TRAPPC9: variants seen among roughly 807,000 people sequenced by gnomAD.
TRAPPC9 encodes IKK2 binding protein.
In TRAPPC9, 83 loss-of-function variants were observed where a neutral mutation model predicts 124.0. The ratio of observed to expected loss-of-function variants is 0.67; its 90% CI spans 0.56 to 0.80. TRAPPC9 has a LOEUF of 0.80. Among genes scored for constraint, TRAPPC9 ranks in the 30% least tolerant of loss-of-function variants. The probability of loss-of-function intolerance (pLI) is 0.00; values close to 1 mark genes in which losing one functional copy is unlikely to be tolerated. For synonymous variants in TRAPPC9, 638 were observed against 617.5 expected, an observed-to-expected ratio of 1.03 and a Z score of -0.49; for missense variants, 1,302 against 1,508.3, an observed-to-expected ratio of 0.86 and a Z score of 2.27.
intron 17 of TRAPPC9, among the ~76,000 whole-genome samples, chr8:140,033,368 T>G (rs537865372): frequency 7.5e-4 from 114 of 152,216 alleles, no homozygotes; most frequent in Non-Finnish European, 1.5e-3. Context: ...TGGACAAATG[T>G]GTAGAAACAA....
chr8:140,193,095 A>T (rs1055836803), intron 17 of TRAPPC9, among the ~76,000 whole-genome samples: 3 of 152,222 alleles, frequency 2.0e-5, no homozygotes, highest in African/African-American at 7.2e-5. Context: ...AATCTTGCAG[A>T]AGTAAAACAA....
intron 7 of TRAPPC9, among the ~76,000 whole-genome samples, chr8:140,374,126 AGTT>A (rs2068365392): frequency 6.6e-6 from 1 of 152,228 alleles, no homozygotes; most frequent in Non-Finnish European, 1.5e-5. Context: ...TTCATCTAGA[AGTT>A]GTTGTCTAGG....
At chr8:140,253,950 A>G (rs531613658) in intron 15 of TRAPPC9, among the ~76,000 whole-genome samples, 5 of 152,312 alleles carry the variant, frequency 3.3e-5, no homozygotes, top group African/African-American at 1.2e-4. Flanking sequence ...TACAGATTCA[A>G]TAAAGTACTA....
In TRAPPC9 at chr8:139,729,602, G is replaced by C. The variant is rs566717091; in HGVS notation, c.*1459C>G. Among the ~76,000 whole-genome samples the C allele has an allele frequency of 1.3e-5, 2 of 152,172 alleles. No individual in the cohort carries two copies. The highest frequency in any genetic ancestry group is 4.8e-5 in the African/African-American group (2 of 41,448). ...TCACAGTGTGCTCCCATCATTCACTGAGCGACAACAGGAGGCCACAGATGG... is the reference window on the plus strand; with the variant it reads ...TCACAGTGTGCTCCCATCATTCACTCAGCGACAACAGGAGGCCACAGATGG... On this transcript the variant is annotated 3_prime_UTR_variant, in exon 23 of 23. Coordinates refer to ENST00000438773, the MANE Select transcript of TRAPPC9 (RefSeq NM_001160372.4).
At chr8:139,769,554 A>G (rs1044155329) in intron 21 of TRAPPC9, among the ~76,000 whole-genome samples, 31 of 152,378 alleles carry the variant, frequency 2.0e-4, no homozygotes, top group African/African-American at 7.2e-4. Flanking sequence ...TGGTTGAACG[A>G]GGGTCACTGA....
In TRAPPC9 at chr8:139,792,727, A is replaced by C. The variant is rs1002680191; in HGVS notation, c.3056-60525T>G. ...GGGGCTGCAGGCCTGGGACCCCCAC[A>C]GTGCATTGCAGAGCTGGACCCACGG... is the stretch of plus-strand genomic sequence containing the variant. On this transcript the variant is annotated intron_variant, in intron 21 of 22. Coordinates refer to ENST00000438773, the MANE Select transcript of TRAPPC9 (RefSeq NM_001160372.4). Among the ~76,000 whole-genome samples, 6 of 152,342 alleles carry C rather than the reference A, an allele frequency of 3.9e-5. No individual in the cohort carries two copies. The East Asian group carries it at 5.8e-4, about 15-fold the overall frequency.
chr8:139,975,177 C>T (rs1199187190), intron 19 of TRAPPC9, among the ~76,000 whole-genome samples: 3 of 152,166 alleles, frequency 2.0e-5, no homozygotes, highest in Admixed American at 1.3e-4. Context: ...CGAGACTTTC[C>T]ACCAAACTGC....
chr8:140,382,791 T>C (rs529657260), intron 7 of TRAPPC9, among the ~76,000 whole-genome samples: 8 of 152,346 alleles, frequency 5.3e-5, no homozygotes, highest in African/African-American at 1.9e-4. Flanking sequence ...TGTCCCTGTC[T>C]GATAGCTTTG....
intron 18 of TRAPPC9, among the ~76,000 whole-genome samples, chr8:140,000,540 AAAAC>A (rs1248856615): frequency 2.0e-5 from 3 of 152,222 alleles, no homozygotes; most frequent in Admixed American, 6.5e-5. Context: ...TTACAAGAAA[AAAAC>A]AAACAACCCC....
intron 17 of TRAPPC9, among the ~76,000 whole-genome samples, chr8:140,172,196 G>A (rs1213119948): frequency 6.6e-6 from 1 of 152,146 alleles, no homozygotes; most frequent in African/African-American, 2.4e-5. Context: ...GAGCACCTGT[G>A]GAGCACAGCA....
At chr8:140,244,608 T>C (rs954660104) in intron 16 of TRAPPC9, among the ~76,000 whole-genome samples, 1 of 152,130 alleles carries the variant, frequency 6.6e-6, no homozygotes, top group African/African-American at 2.4e-5. Flanking sequence ...AAACACTAAT[T>C]TATCAATCTT....
At chr8:140,174,050 T>C (rs2062015952) in intron 17 of TRAPPC9, among the ~76,000 whole-genome samples, 1 of 152,014 alleles carries the variant, frequency 6.6e-6, no homozygotes, top group Admixed American at 6.5e-5. Context: ...TCAGAAGACA[T>C]GAGTTTGGGG....
chr8:140,371,088 G>A lies in TRAPPC9; in HGVS notation c.1227C>T (p.Arg409=), dbSNP rs761721667. The change falls in exon 8 of 23, where the codon CGC becomes CGT. Residue 409 remains arginine, a synonymous_variant. Transcript: ENST00000438773. The part of the protein sequence containing the change: ...GFHRKSAFFK[R]VAAMQCVAPS... ...GGGCCACGCACTGCATGGCGGCCACGCGCTTGAAGAACGCAGACTTGCGAT... is the reference window on the plus strand; with the variant it reads ...GGGCCACGCACTGCATGGCGGCCACACGCTTGAAGAACGCAGACTTGCGAT... 1.4e-5 allele frequency: 22 copies of A among 1,614,216 alleles called. No individual in the cohort carries two copies. Among genetic ancestry groups the A allele is most frequent in the African/African-American group, 4.0e-5 (3 of 75,070 alleles).
chr8:139,910,786 C>A (rs564154401), intron 19 of TRAPPC9, among the ~76,000 whole-genome samples: 1 of 22,548 alleles, frequency 4.4e-5, no homozygotes, highest in Non-Finnish European at 6.8e-5. Flanking sequence ...CTCCCACAGC[C>A]CCCCCTCAGC....
rs201502129 is a variant in TRAPPC9, at chr8:140,019,999, AT to A, written c.2699+3937del. ...AGGGATGTCCCATCACACCCGGCTA[AT>A]TTTTTTTAATGTTTTGTATGTTTTA... On this transcript the variant is annotated intron_variant, in intron 18 of 22. Transcript: ENST00000438773. Among the ~76,000 whole-genome samples the A allele has an allele frequency of 2.7e-5, 4 of 150,900 alleles. No individual in the cohort carries two copies. In the South Asian group the frequency reaches 8.4e-4, roughly 32 times the overall value.
At chr8:139,981,483 C>T (rs1442968852) in intron 19 of TRAPPC9, among the ~76,000 whole-genome samples, 1 of 152,170 alleles carries the variant, frequency 6.6e-6, no homozygotes, top group African/African-American at 2.4e-5. Flanking sequence ...GAGGGATGAG[C>T]AATGCCAACA....
Position 140,296,544 on chromosome 8 carries a change from G to A in TRAPPC9, c.1768+3925C>T, listed in dbSNP as rs145831733. ...GCCTCCCAAAGTGCTGGGATTACAG[G>A]CGTGGGCCACCACACTCGGCCAACA... On this transcript the variant is annotated intron_variant, in intron 11 of 22. Coordinates refer to ENST00000438773, the MANE Select transcript of TRAPPC9 (RefSeq NM_001160372.4). 1.4e-3 allele frequency among the ~76,000 whole-genome samples: 217 copies of A among 152,360 alleles called. 1 individual carries two copies. The highest frequency in any genetic ancestry group is 4.9e-3 in the African/African-American group (203 of 41,604).
chr8:140,003,551 G>A (rs1220777430), intron 18 of TRAPPC9, among the ~76,000 whole-genome samples: 6 of 147,002 alleles, frequency 4.1e-5, no homozygotes, highest in Admixed American at 2.1e-4. Flanking sequence ...GCAGTAAGAT[G>A]AGATCGCACC....
intron 9 of TRAPPC9, among the ~76,000 whole-genome samples, chr8:140,338,457 G>C (rs1210294515): frequency 2.6e-5 from 4 of 152,208 alleles, no homozygotes; most frequent in African/African-American, 7.2e-5. Context: ...GGACAGACGA[G>C]ACCATGGTGC....
Sources: gnomAD v4.1 joint callset for allele counts (sites outside exome capture counted in the v4.1 genomes callset) on GRCh38, gnomAD v4.1.1 for gene constraint, MANE v1.5 for transcripts, NCBI Gene and HGNC (gene_info 2026-07-23, HGNC 2026-07-21) for gene names.